The following UGGT1 variants were observed in gnomAD, a reference collection of about 807,000 sequenced individuals.
The protein encoded by UGGT1 is UDP-glucose glycoprotein glucosyltransferase 1.
A neutral mutation model predicts 203.9 loss-of-function variants in UGGT1; 107 were observed. The observed-to-expected ratio is 0.52, with a 90% CI of 0.45 to 0.62. UGGT1 has a LOEUF of 0.62. Ranked by LOEUF, UGGT1 falls within the 20% of genes least tolerant of loss-of-function variation. UGGT1 has a pLI of 0.00. For missense variants in UGGT1, 1,673 were observed against 1,867.2 expected, an observed-to-expected ratio of 0.90 and a Z score of 1.92; for synonymous variants, 628 against 653.5, an observed-to-expected ratio of 0.96 and a Z score of 0.59.
In UGGT1 at chr2:128,176,673, C is replaced by T. The variant is rs193275583; in HGVS notation, c.3540-141C>T. 3.5e-5 allele frequency: 27 copies of T among 782,514 alleles called. 1 individual carries two copies. In the East Asian group the frequency reaches 4.4e-4, roughly 13 times the overall value. The allele number at this position is 782,514 out of a possible 1,614,324, so 48.5% of individuals were successfully genotyped here. On this transcript the variant is annotated intron_variant, in intron 31 of 40. Transcript: ENST00000259253. ...TTTCAACACGTGCTTCTGTGCAGCT[C>T]GAAGGAGCTTAAGGAGCAAGAAGAT...
intron 16 of UGGT1, among the ~76,000 whole-genome samples, chr2:128,142,248 T>A (rs1432288415): frequency 6.6e-6 from 1 of 151,430 alleles, no homozygotes; most frequent in Admixed American, 6.6e-5. Flanking sequence ...CCTATTTAGA[T>A]TTTTCTTAAC....
rs371434013 is a variant in UGGT1 at position 128,147,649 on chromosome 2, C to T, written c.2016+1682C>T. 2.6e-5 allele frequency among the ~76,000 whole-genome samples: 4 copies of T among 151,596 alleles called. No individual in the cohort carries two copies. In the East Asian group the frequency reaches 5.8e-4, roughly 22 times the overall value. On this transcript the variant is annotated intron_variant, in intron 18 of 40. Transcript: ENST00000259253. ...TTTCTGATACAGGGTCTCGCTCTGT[C>T]ACCCGGGTTGGAGTACAGTGACATG...
chr2:128,157,381 T>C (rs760457663), intron 22 of UGGT1, 35 bp downstream of exon 22: 4 of 1,582,332 alleles, frequency 2.5e-6, no homozygotes, highest in Non-Finnish European at 3.5e-6. Context: ...TATTTTTGTT[T>C]GTGGCTGTAG....
chr2:128,096,699 G>A (rs1193044510), intron 1 of UGGT1, among the ~76,000 whole-genome samples: 1 of 152,174 alleles, frequency 6.6e-6, no homozygotes, highest in Non-Finnish European at 1.5e-5. Flanking sequence ...CGAGGTACCG[G>A]GGGATAGGAT....
At chr2:128,102,369 C>A (rs11902107) in intron 2 of UGGT1, among the ~76,000 whole-genome samples, 135,248 of 151,902 alleles carry the variant, frequency 0.89, 61,197 homozygotes, top group Non-Finnish European at 0.98. Flanking sequence ...GTCTGGAACT[C>A]CTGACCTCAG....
intron 1 of UGGT1, among the ~76,000 whole-genome samples, chr2:128,094,415 A>G (rs1687012510): frequency 6.6e-6 from 1 of 152,204 alleles, no homozygotes; most frequent in African/African-American, 2.4e-5. Context: ...TTTTACTACA[A>G]CAATCAATTC....
intron 8 of UGGT1, among the ~76,000 whole-genome samples, chr2:128,117,985 TGTGTGTGTGAGAGAGAGA>T (rs1425917645): frequency 1.7e-4 from 25 of 144,580 alleles, no homozygotes; most frequent in Non-Finnish European, 2.7e-4. Flanking sequence ...TGTCTGTGTG[TGTGTGTGTGAGAGAGAGA>T]GAGAGAGAGA....
intron 37 of UGGT1, 109 bp downstream of exon 37, chr2:128,182,399 A>G: frequency 7.4e-7 from 1 of 1,344,594 alleles, no homozygotes; most frequent in Non-Finnish European, 1.0e-6. Context: ...AAAAATAAAA[A>G]TGATAAAAAA....
In UGGT1 at chr2:128,164,718, C is replaced by T; in HGVS notation, c.2826-12C>T. 1 of 1,610,994 alleles carries T rather than the reference C, an allele frequency of 6.2e-7. No homozygotes were observed. On this transcript the variant is annotated splice_polypyrimidine_tract_variant and intron_variant, in intron 25 of 40. Transcript: ENST00000259253. ...AAAAAGATGTTAAGATTTCTCTAAC[C>T]CCTTCTTTCAGGGCAAGCGACTTGG...
rs1024415315 is a variant in UGGT1, at chr2:128,191,606, C to T, written c.*1864C>T. ...AGGCGTGGTGGCTCACACCTGTAAT[C>T]CCAGCACTTTGGGAGGCTGAGGCGG... is the stretch of plus-strand genomic sequence containing the variant. On this transcript the variant is annotated 3_prime_UTR_variant, in exon 41 of 41. Transcript: ENST00000259253. The T allele has an allele frequency of 6.6e-6, 1 of 152,418 alleles. No homozygotes were observed. The highest frequency in any genetic ancestry group is 1.5e-5 in the Non-Finnish European group (1 of 68,236). 9.4% of individuals were successfully genotyped at this position (152,418 alleles called of 1,614,324 possible). A position where few individuals can be genotyped will look rare whatever the true frequency, so the allele number is the denominator to read the frequency against.
At chr2:128,141,788 G>A (rs1689440745) in intron 16 of UGGT1, among the ~76,000 whole-genome samples, 1 of 150,928 alleles carries the variant, frequency 6.6e-6, no homozygotes, top group African/African-American at 2.4e-5. Flanking sequence ...TCCAGCCTGG[G>A]TGATGAGTGG....
chr2:128,120,257 T>C (rs1439021271), intron 8 of UGGT1, 99 bp from the exon 9 acceptor site: 1 of 1,098,544 alleles, frequency 9.1e-7, no homozygotes, highest in Non-Finnish European at 1.3e-6. Flanking sequence ...TTTCCTAGGG[T>C]TGGGAGAGGA....
In UGGT1 at chr2:128,115,229, G is replaced by A; in HGVS notation, c.793+9G>A. The A allele has an allele frequency of 6.2e-7, 1 of 1,610,324 alleles. No individual in the cohort carries two copies. The highest frequency in any genetic ancestry group is 1.1e-5 in the South Asian group (1 of 90,852). The stretch of plus-strand genomic sequence containing the variant: ...TGATACTCAGGTGAAAGGTGAATTT[G>A]TAAAAATGGGACCAGTGTGCTTTCT... On this transcript the variant is annotated intron_variant, in intron 7 of 40. Coordinates refer to ENST00000259253, the MANE Select transcript of UGGT1 (RefSeq NM_020120.4).
intron 11 of UGGT1, among the ~76,000 whole-genome samples, chr2:128,126,489 G>T (rs181965648): frequency 6.6e-6 from 1 of 152,036 alleles, no homozygotes; most frequent in South Asian, 2.1e-4. Context: ...TAATCCACCC[G>T]CCTCGGCCTC....
chr2:128,135,001 T>G (rs1689069527), intron 15 of UGGT1, 40 bp downstream of exon 15: 3 of 1,546,776 alleles, frequency 1.9e-6, no homozygotes, highest in Non-Finnish European at 2.7e-6. Flanking sequence ...CTAATTTAGC[T>G]GAGGTTTTAT....
intron 1 of UGGT1, chr2:128,091,695 G>A (rs1214524832): frequency 5.5e-6 from 5 of 916,440 alleles, no homozygotes; most frequent in Non-Finnish European, 7.5e-6. Flanking sequence ...AGGAAATGGG[G>A]GAGGTATCCT....
intron 20 of UGGT1, 91 bp downstream of exon 20, chr2:128,155,678 GGAAA>G (rs764932185): frequency 1.2e-5 from 11 of 934,286 alleles, no homozygotes; most frequent in East Asian, 5.1e-5. Context: ...GAGAGAAAAG[GGAAA>G]GAGACTTCAT....
intron 26 of UGGT1, among the ~76,000 whole-genome samples, chr2:128,166,713 T>C (rs1690808255): frequency 1.3e-5 from 2 of 152,178 alleles, no homozygotes; most frequent in Non-Finnish European, 2.9e-5. Flanking sequence ...CATGATTAGA[T>C]TTAATTGTTT....
rs563859318 is a variant in UGGT1, at chr2:128,179,689, G to A, written c.3816-97G>A. On this transcript the variant is annotated intron_variant, in intron 34 of 40. Transcript: ENST00000259253. The stretch of plus-strand genomic sequence containing the variant: ...AATTGAGCCATTAGTTAGCTCTGCC[G>A]TAAAGAGCATTTAGGTGTCTCGTGA... The A allele has an allele frequency of 2.2e-4, 233 of 1,038,122 alleles. 2 individuals are homozygous for A. The South Asian group carries it at 3.4e-3, about 15-fold the overall frequency. 64.3% of individuals were successfully genotyped at this position (1,038,122 alleles called of 1,614,324 possible).
Sources: allele counts gnomAD v4.1 joint callset (sites outside exome capture counted in the v4.1 genomes callset), GRCh38; gene constraint gnomAD v4.1.1; transcripts MANE v1.5; gene names NCBI Gene and HGNC (gene_info 2026-07-23, HGNC 2026-07-21).